The following HKDC1 variants were observed in gnomAD, a reference collection of about 807,000 sequenced individuals.
The protein encoded by HKDC1 is hexokinase HKDC1.
Under a neutral mutation model 96.6 loss-of-function variants are expected in HKDC1, and 66 were observed. The ratio of observed to expected loss-of-function variants is 0.68; its 90% CI spans 0.56 to 0.84. The LOEUF is 0.84. Ranked by LOEUF, HKDC1 falls within the 40% of genes least tolerant of loss-of-function variation. HKDC1 has a pLI of 0.00. For missense variants in HKDC1, 1,211 were observed against 1,208.1 expected (o/e 1.00, Z -0.04); for synonymous variants, 466 against 473.1 (o/e 0.98, Z 0.20).
intron 4 of HKDC1, among the ~76,000 whole-genome samples, chr10:69,234,805 A>G (rs1337102159): frequency 6.6e-6 from 1 of 152,244 alleles, no homozygotes; most frequent in East Asian, 1.9e-4. Flanking sequence ...GGTCTCTGAC[A>G]ATGTGTTGTA....
chr10:69,243,132 G>T (rs1843478723), intron 6 of HKDC1, 50 bp from the exon 7 acceptor site: 1 of 1,581,698 alleles, frequency 6.3e-7, no homozygotes. Flanking sequence ...CTCTGTCTGT[G>T]CCCAGCTGGG....
rs532351484 is a variant in HKDC1 at position 69,265,837 on chromosome 10, C to T, written c.2606+19C>T. ...ACCCTCAGTGAGTGCCCACAAGAGG[C>T]GTGGCGGGTGGGGCTGGGGAGGGCT... is the stretch of plus-strand genomic sequence containing the variant. On this transcript the variant is annotated intron_variant, in intron 17 of 17. Transcript: ENST00000354624. 41 of 856,378 alleles carry T rather than the reference C, an allele frequency of 4.8e-5. No homozygotes were observed. In the South Asian group the frequency reaches 4.8e-4, roughly 10 times the overall value. 53.0% of individuals were successfully genotyped at this position (856,378 alleles called of 1,614,324 possible).
chr10:69,267,534 A>T lies in HKDC1; in HGVS notation c.*777A>T, dbSNP rs770794583. 1.2e-4 allele frequency: 56 copies of T among 450,860 alleles called. No individual in the cohort carries two copies. The highest frequency in any genetic ancestry group is 2.0e-4 in the Non-Finnish European group (45 of 225,682). 27.9% of individuals were successfully genotyped at this position (450,860 alleles called of 1,614,324 possible). A position where few individuals can be genotyped will look rare whatever the true frequency, so the allele number is the denominator to read the frequency against. ...GGAAATCCAGTAAATTAATAAAAAA[A>T]TTTTGATTTTCCAATAAACTTTGCA... On this transcript the variant is annotated 3_prime_UTR_variant, in exon 18 of 18. Transcript: ENST00000354624.
chr10:69,258,164 C>T (rs531988584), intron 14 of HKDC1, among the ~76,000 whole-genome samples: 3 of 152,306 alleles, frequency 2.0e-5, no homozygotes, highest in South Asian at 2.1e-4. Context: ...AACTCTTACC[C>T]ACTTTGTGAG....
intron 10 of HKDC1, chr10:69,248,965 G>T: frequency 3.8e-6 from 2 of 521,286 alleles, no homozygotes; most frequent in Non-Finnish European, 6.8e-6. Context: ...ATTAGGTTAT[G>T]TGTGTGCACT....
Position 69,251,026 on chromosome 10 carries a change from A to T in HKDC1, c.1836+374A>T, listed in dbSNP as rs577258795. The stretch of plus-strand genomic sequence containing the variant: ...TGGACAGCCATGTAAACAGGGAATT[A>T]CAATGGGTTTTTATCGTCTGATGAA... On this transcript the variant is annotated intron_variant, in intron 12 of 17. Coordinates refer to ENST00000354624, the MANE Select transcript of HKDC1 (RefSeq NM_025130.4). Among the ~76,000 whole-genome samples, 9 of 152,034 alleles carry T rather than the reference A, an allele frequency of 5.9e-5. No individual in the cohort carries two copies. The East Asian group carries it at 1.2e-3, about 20-fold the overall frequency.
intron 10 of HKDC1, among the ~76,000 whole-genome samples, chr10:69,249,163 C>T (rs769309447): frequency 2.0e-5 from 3 of 152,206 alleles, no homozygotes; most frequent in Non-Finnish European, 2.9e-5. Context: ...CTTCTCCAAC[C>T]CTTGATCCTT....
intron 1 of HKDC1, among the ~76,000 whole-genome samples, chr10:69,221,650 A>G (rs755466037): frequency 6.6e-6 from 1 of 152,122 alleles, no homozygotes; most frequent in South Asian, 2.1e-4. Context: ...GAGGCCAGGC[A>G]CCGTGGCTCA....
intron 14 of HKDC1, among the ~76,000 whole-genome samples, chr10:69,257,859 G>T (rs1355275689): frequency 6.6e-6 from 1 of 152,102 alleles, no homozygotes; most frequent in Non-Finnish European, 1.5e-5. Flanking sequence ...GGAAAGGAGT[G>T]GCCTGATACA....
chr10:69,254,131 C>T (rs1181295837), intron 12 of HKDC1, among the ~76,000 whole-genome samples: 4 of 152,070 alleles, frequency 2.6e-5, no homozygotes, highest in Non-Finnish European at 5.9e-5. Context: ...ATGGCGAAAC[C>T]CCATCTCTAC....
intron 4 of HKDC1, among the ~76,000 whole-genome samples, chr10:69,237,305 G>GTGTA (rs1411409232): frequency 2.7e-5 from 4 of 145,588 alleles, no homozygotes; most frequent in Non-Finnish European, 2.9e-5. Flanking sequence ...GTGTGTGTGT[G>GTGTA]TGTGTGTGTG....
At chr10:69,249,592 T>C (rs1160330484) in intron 10 of HKDC1, among the ~76,000 whole-genome samples, 1 of 152,208 alleles carries the variant, frequency 6.6e-6, no homozygotes, top group Non-Finnish European at 1.5e-5. Flanking sequence ...GCCTCCCAGG[T>C]TCACACCATT....
At chr10:69,228,307 C>T (rs770181314) in intron 2 of HKDC1, among the ~76,000 whole-genome samples, 1 of 152,128 alleles carries the variant, frequency 6.6e-6, no homozygotes, top group African/African-American at 2.4e-5. Flanking sequence ...CCTGTGATCA[C>T]GTTAGTCATG....
intron 6 of HKDC1, among the ~76,000 whole-genome samples, chr10:69,241,554 G>A (rs112258245): frequency 0.11 from 17,214 of 152,190 alleles, 1,170 homozygotes; most frequent in Middle Eastern, 0.17. Context: ...CACAGTCTTG[G>A]CTTACTGCAA....
rs751106769 is a variant in HKDC1 at position 69,255,189 on chromosome 10, C to A, written c.1837-1847C>A. On this transcript the variant is annotated intron_variant, in intron 12 of 17. Coordinates refer to ENST00000354624, the MANE Select transcript of HKDC1 (RefSeq NM_025130.4). ...ACACAGTGAAGAAGGAGGGGAGACC[C>A]GTGGGCAGCTAAAAGTAAAGATACC... Among the ~76,000 whole-genome samples the A allele has an allele frequency of 2.0e-5, 3 of 152,106 alleles. No individual in the cohort carries two copies. The South Asian group carries it at 6.2e-4, about 32-fold the overall frequency.
chr10:69,239,542 C>T (rs1340303501), intron 5 of HKDC1, among the ~76,000 whole-genome samples: 2 of 152,214 alleles, frequency 1.3e-5, no homozygotes, highest in Non-Finnish European at 2.9e-5. Flanking sequence ...TGTCCACTCC[C>T]TGTCCATTAA....
At chr10:69,253,236 G>A (rs576792938) in intron 12 of HKDC1, among the ~76,000 whole-genome samples, 10 of 152,234 alleles carry the variant, frequency 6.6e-5, no homozygotes, top group Non-Finnish European at 8.8e-5. Context: ...ATGGGGCCTC[G>A]GCCTGGAGCT....
In HKDC1 at chr10:69,232,862, A is replaced by G. The variant is rs1212089669; in HGVS notation, c.325A>G (p.Ser109Gly). 8.1e-6 allele frequency: 13 copies of G among 1,613,866 alleles called. No individual in the cohort carries two copies. The South Asian group carries it at 1.4e-4, about 18-fold the overall frequency. ...EEGKRHVQME[S>G]QFYPTPNEII... Reference sequence around the variant, plus strand: ...GGGGAAGCGACACGTGCAGATGGAGAGTCAGTTCTACCCAACGCCCAATGA... The same window carrying G: ...GGGGAAGCGACACGTGCAGATGGAGGGTCAGTTCTACCCAACGCCCAATGA... Residue 109 changes from serine to glycine, a missense_variant, in exon 3 of 18, where the codon AGT (serine) becomes GGT (glycine). By Grantham distance (56) the Ser-to-Gly change is moderately conservative. Coordinates refer to ENST00000354624, the MANE Select transcript of HKDC1 (RefSeq NM_025130.4).
At chr10:69,249,313 C>T (rs1194063713) in intron 10 of HKDC1, among the ~76,000 whole-genome samples, 1 of 152,178 alleles carries the variant, frequency 6.6e-6, no homozygotes, top group Non-Finnish European at 1.5e-5. Flanking sequence ...TTATAATTTG[C>T]TTTTGAACCT....
Sources: allele counts gnomAD v4.1 joint callset (sites outside exome capture counted in the v4.1 genomes callset), GRCh38; gene constraint gnomAD v4.1.1; transcripts MANE v1.5; gene names NCBI Gene and HGNC (gene_info 2026-07-23, HGNC 2026-07-21).